Variants in CFAP47 observed in about 807,000 individuals in gnomAD.
CFAP47 encodes the protein cilia and flagella associated protein 47.
A neutral mutation model predicts 148.1 loss-of-function variants in CFAP47; 29 were observed. The ratio of observed to expected loss-of-function variants is 0.20; its 90% CI spans 0.15 to 0.27. CFAP47 has a LOEUF of 0.27. Among genes scored for constraint, CFAP47 ranks in the 10% least tolerant of loss-of-function variants. CFAP47 has a pLI of 1.00. For synonymous variants in CFAP47, 664 were observed against 577.3 expected (o/e 1.15, Z -2.15); for missense variants, 1,872 against 1,697.5 (o/e 1.10, Z -1.81).
Position 36,104,558 on chromosome X carries a change from G to A in CFAP47, c.5187G>A (p.Val1729=), listed in dbSNP as rs1472319565. ...YCSNNMPPIC[V]QNTPKVNPCF... ...GCAATAATATGCCCCCCATATGTGT[G>A]CAAAATACACCAAAAGTCAATCCTT... Residue 1729 remains valine, a synonymous_variant, in exon 33 of 64, where the codon GTG becomes GTA. Coordinates refer to ENST00000378653, the MANE Select transcript of CFAP47 (RefSeq NM_001304548.2). The A allele has an allele frequency of 3.0e-6, 3 of 1,016,671 alleles. No individual in the cohort carries two copies. The African/African-American group carries it at 5.6e-5, about 19-fold the overall frequency. The allele number at this position is 1,016,671 out of a possible 1,213,427, so 83.8% of individuals were successfully genotyped here.
At chrX:36,210,880 G>C (rs1230933946) in intron 45 of CFAP47, among the ~76,000 whole-genome samples, 3 of 112,421 alleles carry the variant, frequency 2.7e-5, no homozygotes, top group African/African-American at 9.7e-5. Flanking sequence ...GTTAATATCT[G>C]TATATCCTGT....
rs1353416057 is a variant in CFAP47, at chrX:35,923,830, T to C, written c.250-2187T>C. On this transcript the variant is annotated intron_variant, in intron 1 of 63. Transcript: ENST00000378653. ...CGAGAATCCGTCTGAAAAAAAAAAG[T>C]GTATATATATATATATGTGTGTATA... Among the ~76,000 whole-genome samples the C allele has an allele frequency of 4.4e-5, 4 of 90,805 alleles. No individual in the cohort carries two copies. The East Asian group carries it at 1.4e-3, about 32-fold the overall frequency. The allele number at this position is 90,805 out of a possible 115,157, so 78.9% of individuals were successfully genotyped here.
intron 30 of CFAP47, among the ~76,000 whole-genome samples, chrX:36,095,656 A>C (rs992282027): frequency 9.0e-6 from 1 of 110,736 alleles, no homozygotes; most frequent in Non-Finnish European, 1.9e-5. Flanking sequence ...TAGATTTTCC[A>C]ATTTATAGGT....
intron 2 of CFAP47, among the ~76,000 whole-genome samples, chrX:35,938,951 T>C (rs1935957931): frequency 8.9e-6 from 1 of 111,814 alleles, no homozygotes; most frequent in Admixed American, 9.5e-5. Flanking sequence ...TCCCTTAGTT[T>C]GGTGTCCCAG....
chrX:36,325,404 C>A (rs982435577), intron 57 of CFAP47, among the ~76,000 whole-genome samples: 19 of 111,572 alleles, frequency 1.7e-4, no homozygotes, highest in African/African-American at 4.2e-4. Context: ...GACTCTTACC[C>A]TCTACACAGT....
At chrX:36,215,877 C>T (rs1207519227) in intron 45 of CFAP47, among the ~76,000 whole-genome samples, 3 of 111,592 alleles carry the variant, frequency 2.7e-5, no homozygotes, top group East Asian at 5.7e-4. Context: ...TGGCCCTCTC[C>T]GGGGGAGGTC....
At chrX:36,199,960 C>T in intron 42 of CFAP47, among the ~76,000 whole-genome samples, 1 of 111,829 alleles carries the variant, frequency 8.9e-6, no homozygotes, top group East Asian at 2.8e-4. Context: ...TTTCCATGTT[C>T]ATTTTGAAAG....
intron 40 of CFAP47, among the ~76,000 whole-genome samples, chrX:36,185,283 A>C (rs868983884): frequency 2.6e-4 from 29 of 110,071 alleles, no homozygotes; most frequent in African/African-American, 9.6e-4. Context: ...TATCTCATCC[A>C]TGAAGACTCC....
intron 35 of CFAP47, among the ~76,000 whole-genome samples, chrX:36,140,653 A>G (rs1939122966): frequency 8.9e-6 from 1 of 111,802 alleles, no homozygotes; most frequent in African/African-American, 3.3e-5. Context: ...CTTATACATA[A>G]TGAATTAATG....
intron 46 of CFAP47, among the ~76,000 whole-genome samples, chrX:36,230,295 T>TC (rs782275229): frequency 2.8e-5 from 3 of 106,744 alleles, no homozygotes; most frequent in Non-Finnish European, 3.8e-5. Context: ...TTTTTAATGA[T>TC]GCCATTCTAA....
chrX:36,001,706 A>G lies in CFAP47; in HGVS notation c.3416A>G (p.Glu1139Gly), dbSNP rs1936917895. ...LECSITFSPK[E>G]VTVVEFIIQV... ...TGTAGCATAACATTTTCTCCCAAAG[A>G]AGTAAGTTCAGTTTTCTATTCCTCA... The change falls in exon 21 of 64, where the codon GAA (glutamate) becomes GGA (glycine). Residue 1139 changes from glutamate to glycine, a missense_variant and splice_region_variant. Transcript: ENST00000378653. 3.4e-6 allele frequency: 1 copy of G among 293,348 alleles called. No individual in the cohort carries two copies. Among genetic ancestry groups the G allele is most frequent in the Admixed American group, 6.2e-5 (1 of 16,066 alleles). 24.2% of individuals were successfully genotyped at this position (293,348 alleles called of 1,213,427 possible). A position where few individuals can be genotyped will look rare whatever the true frequency, so the allele number is the denominator to read the frequency against.
At chrX:35,999,681 C>T (rs375380746) in intron 19 of CFAP47, among the ~76,000 whole-genome samples, 21 of 112,041 alleles carry the variant, frequency 1.9e-4, no homozygotes, top group Non-Finnish European at 3.0e-4. Context: ...TAGGCAATTG[C>T]AAGTTACAGA....
chrX:36,062,332 T>C (rs973967039), intron 26 of CFAP47, among the ~76,000 whole-genome samples: 2 of 111,692 alleles, frequency 1.8e-5, no homozygotes, highest in African/African-American at 6.5e-5. Context: ...GGCAAAATAT[T>C]ATAAATACAA....
chrX:36,122,425 C>T (rs992356298), intron 33 of CFAP47, among the ~76,000 whole-genome samples: 1 of 111,268 alleles, frequency 9.0e-6, no homozygotes. Flanking sequence ...TCTCTAACGT[C>T]AGCAACTCTT....
chrX:36,099,886 T>C lies in CFAP47; in HGVS notation c.5127+7T>C, dbSNP rs375490296. The C allele has an allele frequency of 2.7e-4, 249 of 919,172 alleles. No individual in the cohort carries two copies. Among genetic ancestry groups the C allele is most frequent in the Middle Eastern group, 5.5e-4 (2 of 3,651 alleles). The allele number at this position is 919,172 out of a possible 1,213,427, so 75.8% of individuals were successfully genotyped here. On this transcript the variant is annotated splice_region_variant and intron_variant, in intron 32 of 63. Coordinates refer to ENST00000378653, the MANE Select transcript of CFAP47 (RefSeq NM_001304548.2). Reference sequence around the variant, plus strand: ...ATTTCTACAGATATACAAGGTAACATTTCCATTATTGTTCGCTGCTTCTCT... The same window carrying C: ...ATTTCTACAGATATACAAGGTAACACTTCCATTATTGTTCGCTGCTTCTCT...
At chrX:36,259,969 G>C (rs1312124756) in intron 49 of CFAP47, among the ~76,000 whole-genome samples, 1 of 111,144 alleles carries the variant, frequency 9.0e-6, no homozygotes, top group Non-Finnish European at 1.9e-5. Context: ...GTGATATTTG[G>C]TTTTCTGTTC....
intron 45 of CFAP47, among the ~76,000 whole-genome samples, chrX:36,210,202 T>C (rs1940084572): frequency 8.9e-6 from 1 of 112,371 alleles, no homozygotes; most frequent in Non-Finnish European, 1.9e-5. Context: ...TGTTTCTATT[T>C]ATCTTGGGTA....
chrX:36,104,625 T>C lies in CFAP47; in HGVS notation c.5254T>C (p.Leu1752=). The change falls in exon 33 of 64, where the codon TTG becomes CTG. Residue 1752 remains leucine, a synonymous_variant. Coordinates refer to ENST00000378653, the MANE Select transcript of CFAP47 (RefSeq NM_001304548.2). The part of the protein sequence containing the change: ...SNIYSDSERI[L]LSWMNINYEN... ...CATATATTCTGATTCTGAAAGAATTTTGCTTAGTTGGATGAACATAAATTA... is the reference window on the plus strand; with the variant it reads ...CATATATTCTGATTCTGAAAGAATTCTGCTTAGTTGGATGAACATAAATTA... 1.1e-6 allele frequency: 1 copy of C among 929,253 alleles called. No homozygotes were observed. Among genetic ancestry groups the C allele is most frequent in the Non-Finnish European group, 1.5e-6 (1 of 647,529 alleles). 76.6% of individuals were successfully genotyped at this position (929,253 alleles called of 1,213,427 possible). A position where few individuals can be genotyped will look rare whatever the true frequency, so the allele number is the denominator to read the frequency against.
intron 26 of CFAP47, among the ~76,000 whole-genome samples, chrX:36,054,809 G>A (rs766332184): frequency 8.4e-4 from 93 of 110,374 alleles, no homozygotes; most frequent in African/African-American, 3.0e-3. Flanking sequence ...GTCTCGCTCT[G>A]TCACCCAGGC....
Sources: allele counts gnomAD v4.1 joint callset (sites outside exome capture counted in the v4.1 genomes callset), GRCh38; gene constraint gnomAD v4.1.1; transcripts MANE v1.5; gene names NCBI Gene and HGNC (gene_info 2026-07-23, HGNC 2026-07-21).